The following CTIF variants were observed in gnomAD, a reference collection of about 807,000 sequenced individuals.
The protein encoded by CTIF is cap binding complex dependent translation initiation factor.
CTIF carries 21 observed loss-of-function variants against 66.0 expected under a neutral mutation model. The ratio of observed to expected loss-of-function variants is 0.32; its 90% CI spans 0.23 to 0.46. The LOEUF (loss-of-function observed/expected upper bound fraction) is 0.46, where lower values mean the gene tolerates loss of function less well. Among genes scored for constraint, CTIF ranks in the 20% least tolerant of loss-of-function variants. CTIF has a pLI of 1.00. For missense variants in CTIF, 739 were observed against 812.7 expected, an observed-to-expected ratio of 0.91 and a Z score of 1.10; for synonymous variants, 345 against 326.4, an observed-to-expected ratio of 1.06 and a Z score of -0.62.
At chr18:48,775,652 C>G (rs1599022498) in intron 9 of CTIF, among the ~76,000 whole-genome samples, 1 of 152,232 alleles carries the variant, frequency 6.6e-6, no homozygotes, top group African/African-American at 2.4e-5. Context: ...GCAGGGCCAG[C>G]TCAGCCAGAG....
At chr18:48,749,569 C>T (rs940112671) in intron 7 of CTIF, among the ~76,000 whole-genome samples, 3 of 152,188 alleles carry the variant, frequency 2.0e-5, no homozygotes, top group African/African-American at 4.8e-5. Context: ...AGGATTCATG[C>T]TCTGTTGCTT....
chr18:48,714,282 G>C (rs192078634), intron 7 of CTIF, among the ~76,000 whole-genome samples: 1 of 152,306 alleles, frequency 6.6e-6, no homozygotes, highest in Admixed American at 6.5e-5. Flanking sequence ...GGAGGGGCTT[G>C]CATTTCCTGG....
At chr18:48,579,677 T>G (rs187660253) in intron 1 of CTIF, among the ~76,000 whole-genome samples, 13 of 152,250 alleles carry the variant, frequency 8.5e-5, no homozygotes, top group Admixed American at 3.9e-4. Context: ...CCCAGAACCT[T>G]GACCCTAACT....
intron 1 of CTIF, among the ~76,000 whole-genome samples, chr18:48,608,326 A>T (rs2144253169): frequency 6.6e-6 from 1 of 152,290 alleles, no homozygotes; most frequent in African/African-American, 2.4e-5. Flanking sequence ...TTTTTATGTG[A>T]AATATTTTGA....
chr18:48,740,549 C>T (rs2092544931), intron 7 of CTIF, among the ~76,000 whole-genome samples: 1 of 152,226 alleles, frequency 6.6e-6, no homozygotes, highest in Non-Finnish European at 1.5e-5. Flanking sequence ...GCAGAATGGT[C>T]AGGGTGAGAC....
At chr18:48,717,435 A>AAATG (rs1180257201) in intron 7 of CTIF, among the ~76,000 whole-genome samples, 21 of 150,904 alleles carry the variant, frequency 1.4e-4, no homozygotes, top group African/African-American at 5.1e-4. Flanking sequence ...ATAAATAAAT[A>AAATG]AATAAATAAA....
At chr18:48,663,262 G>C (rs2091377238) in intron 3 of CTIF, among the ~76,000 whole-genome samples, 1 of 152,194 alleles carries the variant, frequency 6.6e-6, no homozygotes. Flanking sequence ...GTCACATAGG[G>C]AACACTGGAG....
At chr18:48,670,529 T>G in intron 5 of CTIF, 140 bp from the exon 6 acceptor site, 2 of 703,242 alleles carry the variant, frequency 2.8e-6, no homozygotes, top group Non-Finnish European at 5.0e-6. Flanking sequence ...CTGTTTCCTC[T>G]AGGTGGGACA....
intron 7 of CTIF, among the ~76,000 whole-genome samples, chr18:48,720,406 G>C (rs1318319760): frequency 1.3e-5 from 2 of 152,132 alleles, no homozygotes; most frequent in African/African-American, 2.4e-5. Context: ...TGCAGTGACT[G>C]TCATTGCCAT....
intron 3 of CTIF, among the ~76,000 whole-genome samples, chr18:48,654,045 C>A (rs1481850104): frequency 6.6e-6 from 1 of 152,128 alleles, no homozygotes; most frequent in African/African-American, 2.4e-5. Flanking sequence ...CTAGGCAATA[C>A]CATTCAGGAC....
At chr18:48,690,031 A>T (rs1263212872) in intron 6 of CTIF, among the ~76,000 whole-genome samples, 2 of 152,154 alleles carry the variant, frequency 1.3e-5, no homozygotes, top group Non-Finnish European at 2.9e-5. Context: ...AGCTTCTGTC[A>T]TCTTGAAATT....
At chr18:48,826,828 A>G (rs2068591623) in intron 10 of CTIF, 1 of 152,206 alleles carries the variant, frequency 6.6e-6, no homozygotes, top group African/African-American at 2.4e-5. Flanking sequence ...GTGATCCTTC[A>G]GCGAAGAGCT....
chr18:48,764,627 G>A (rs775237410), intron 9 of CTIF, among the ~76,000 whole-genome samples: 12 of 152,198 alleles, frequency 7.9e-5, no homozygotes, highest in Non-Finnish European at 1.6e-4. Context: ...AGGCAGTCAT[G>A]GCTCACATTC....
In CTIF at chr18:48,761,520, A is replaced by G. The variant is rs1168857993; in HGVS notation, c.1202A>G (p.Gln401Arg). The G allele has an allele frequency of 1.2e-6, 2 of 1,614,238 alleles. No homozygotes were observed. The highest frequency in any genetic ancestry group is 1.7e-6 in the Non-Finnish European group (2 of 1,180,046). The change falls in exon 9 of 12, where the codon CAG becomes CGG. Residue 401 changes from glutamine (Q) to arginine (R), a missense_variant. Physicochemically the swap from Gln to Arg is conservative, Grantham distance 43 (BLOSUM62 1). This residue lies in a region of CTIF where 210 missense variants were observed against 292.3 expected (regional missense o/e 0.72). Coordinates refer to ENST00000256413, the MANE Select transcript of CTIF (RefSeq NM_014772.3). This position sits in a 1 kb window ranked among gnomAD's most constrained non-coding sequence, Gnocchi z 4.2. ...TKLTTFMEEA[Q>R]NSTNSEEMLG... ...CTCACCACCTTCATGGAGGAGGCCC[A>G]GAACTCCACCAACTCCGAGGAGATG...
chr18:48,740,053 T>G (rs981751361), intron 7 of CTIF, among the ~76,000 whole-genome samples: 1 of 152,240 alleles, frequency 6.6e-6, no homozygotes, highest in African/African-American at 2.4e-5. Flanking sequence ...GGTGCTATTA[T>G]GTTCACATCT....
chr18:48,654,444 G>A (rs1285235867), intron 3 of CTIF, among the ~76,000 whole-genome samples: 1 of 152,214 alleles, frequency 6.6e-6, no homozygotes, highest in Non-Finnish European at 1.5e-5. Flanking sequence ...ACACCAGTTA[G>A]AATGACAATC....
intron 1 of CTIF, among the ~76,000 whole-genome samples, chr18:48,579,939 C>T (rs993472988): frequency 1.1e-4 from 17 of 152,188 alleles, no homozygotes; most frequent in African/African-American, 3.9e-4. Context: ...AAAATGTTCA[C>T]AAGTTAGATA....
intron 1 of CTIF, among the ~76,000 whole-genome samples, chr18:48,580,944 C>G (rs549523685): frequency 1.5e-4 from 23 of 152,370 alleles, no homozygotes; most frequent in African/African-American, 5.3e-4. Context: ...ATCGCGGCCC[C>G]ACCCAGCTGA....
chr18:48,601,077 C>T (rs908821404), intron 1 of CTIF, among the ~76,000 whole-genome samples: 22 of 152,108 alleles, frequency 1.4e-4, no homozygotes, highest in African/African-American at 3.1e-4. Flanking sequence ...GTCTGGCCTG[C>T]GGAGAAGGGT....
Sources: allele counts gnomAD v4.1 joint callset (sites outside exome capture counted in the v4.1 genomes callset), GRCh38; gene constraint gnomAD v4.1.1; regional missense constraint gnomAD v4.1.1; non-coding constraint Gnocchi (gnomAD v3.1); transcripts MANE v1.5; gene names NCBI Gene and HGNC (gene_info 2026-07-23, HGNC 2026-07-21).